The following ELMO1 variants were observed in gnomAD, a reference collection of about 807,000 sequenced individuals.
ELMO1 encodes engulfment and cell motility 1, also known as engulfment and cell motility protein 1.
A neutral mutation model predicts 98.9 loss-of-function variants in ELMO1; 26 were observed. That is an observed-to-expected ratio of 0.26 (90% CI 0.19 to 0.36). The LOEUF (loss-of-function observed/expected upper bound fraction) is 0.36. Ranked by LOEUF, ELMO1 falls within the 10% of genes least tolerant of loss-of-function variation. The pLI is 1.00. For missense variants in ELMO1, 627 were observed against 935.2 expected (o/e 0.67, Z 4.30); for synonymous variants, 346 against 346.0 (o/e 1.00, Z 0.00).
At chr7:37,264,251 T>G (rs1023219072) in intron 5 of ELMO1, among the ~76,000 whole-genome samples, 4 of 152,100 alleles carry the variant, frequency 2.6e-5, no homozygotes, top group African/African-American at 9.7e-5. Context: ...CAAAACACAT[T>G]TCACTAAATG....
chr7:37,257,720 G>C (rs960353529), intron 6 of ELMO1, among the ~76,000 whole-genome samples: 2 of 150,840 alleles, frequency 1.3e-5, no homozygotes, highest in East Asian at 3.9e-4. Flanking sequence ...ACAAAAATCA[G>C]GCTGGACACG....
chr7:36,943,171 A>AGGT (rs1787194384), intron 16 of ELMO1, among the ~76,000 whole-genome samples: 1 of 152,216 alleles, frequency 6.6e-6, no homozygotes, highest in African/African-American at 2.4e-5. Context: ...CAGCGGGTCG[A>AGGT]GGTGGGTGAA....
At chr7:37,435,375 T>TACGA (rs1805101661) in intron 1 of ELMO1, among the ~76,000 whole-genome samples, 2 of 152,168 alleles carry the variant, frequency 1.3e-5, no homozygotes, top group African/African-American at 4.8e-5. Flanking sequence ...CTAGGGTGGT[T>TACGA]TCCACCCCCT....
At chr7:37,261,853 C>T (rs747990493) in intron 5 of ELMO1, among the ~76,000 whole-genome samples, 5 of 152,172 alleles carry the variant, frequency 3.3e-5, no homozygotes, top group African/African-American at 7.2e-5. Context: ...CAGCCTGCCT[C>T]GGCCTCCCAA....
chr7:37,210,295 T>A (rs992494049), intron 13 of ELMO1, among the ~76,000 whole-genome samples: 2 of 152,132 alleles, frequency 1.3e-5, no homozygotes, highest in African/African-American at 2.4e-5. Flanking sequence ...AAGCATTGAA[T>A]CATTTAGTAA....
At chr7:37,186,120 T>C (rs1791189513) in intron 13 of ELMO1, among the ~76,000 whole-genome samples, 1 of 152,150 alleles carries the variant, frequency 6.6e-6, no homozygotes, top group Admixed American at 6.5e-5. Context: ...AATAAACATA[T>C]AGCAATGGAA....
At chr7:37,161,905 A>AAT (rs6150082) in intron 13 of ELMO1, among the ~76,000 whole-genome samples, 7,550 of 42,342 alleles carry the variant, frequency 0.18, 1,342 homozygotes, top group African/African-American at 0.24. Flanking sequence ...CAGGTAATCA[A>AAT]ATATATATAT....
intron 1 of ELMO1, among the ~76,000 whole-genome samples, chr7:37,380,261 TATG>T (rs759972494): frequency 6.6e-6 from 1 of 152,218 alleles, no homozygotes; most frequent in African/African-American, 2.4e-5. Context: ...TGACAGACAA[TATG>T]ATAATTTGTA....
At chr7:37,071,868 A>T (rs1226672099) in intron 15 of ELMO1, among the ~76,000 whole-genome samples, 1 of 152,098 alleles carries the variant, frequency 6.6e-6, no homozygotes, top group African/African-American at 2.4e-5. Flanking sequence ...TTTCTTTGGA[A>T]TATTATCTAG....
At position 37,013,384 on chromosome 7, in the gene ELMO1, G is replaced by A. The variant is rs915387525; in HGVS notation, c.1352C>T (p.Ser451Phe). Residue 451 changes from serine to phenylalanine, a missense_variant, in exon 16 of 22, where the codon TCC (serine) becomes TTC (phenylalanine). By Grantham distance (155) the Ser-to-Phe change is radical. This residue lies in a region of ELMO1 where 492 missense variants were observed against 715.6 expected (regional missense o/e 0.69). Coordinates refer to ENST00000310758, the MANE Select transcript of ELMO1 (RefSeq NM_014800.11). ...ACAGATGCAGAAAAACTCCTCAAAGGATCTGTCGTGGGTGAAGAACATCGG... is the reference window on the plus strand; with the variant it reads ...ACAGATGCAGAAAAACTCCTCAAAGAATCTGTCGTGGGTGAAGAACATCGG... ...FHPMFFTHDRSFEEFFCICIQ... is the reference protein window; with the variant it reads ...FHPMFFTHDRFFEEFFCICIQ... 6.2e-7 allele frequency: 1 copy of A among 1,613,970 alleles called. No individual in the cohort carries two copies. The highest frequency in any genetic ancestry group is 8.5e-7 in the Non-Finnish European group (1 of 1,180,012).
At chr7:37,042,314 A>G (rs1444075707) in intron 15 of ELMO1, among the ~76,000 whole-genome samples, 1 of 152,156 alleles carries the variant, frequency 6.6e-6, no homozygotes, top group East Asian at 1.9e-4. Flanking sequence ...AGGAATATTC[A>G]GAGCCATGGT....
chr7:36,971,578 G>A (rs1215200809), intron 16 of ELMO1, among the ~76,000 whole-genome samples: 3 of 152,214 alleles, frequency 2.0e-5, no homozygotes, highest in African/African-American at 7.2e-5. Context: ...AGATCATCCA[G>A]ATTCCACTGA....
chr7:37,314,999 G>T, intron 3 of ELMO1, 77 bp from the exon 4 acceptor site: 1 of 1,289,628 alleles, frequency 7.8e-7, no homozygotes, highest in Non-Finnish European at 1.1e-6. Context: ...AGTGTTGGAT[G>T]AACTAAGCAC....
At chr7:37,348,580 G>C (rs1801117346) in intron 1 of ELMO1, among the ~76,000 whole-genome samples, 1 of 152,074 alleles carries the variant, frequency 6.6e-6, no homozygotes, top group Non-Finnish European at 1.5e-5. Flanking sequence ...TCTAGAGTTA[G>C]GTACTGAAGT....
chr7:37,193,317 T>A (rs901688396), intron 13 of ELMO1, among the ~76,000 whole-genome samples: 3 of 152,156 alleles, frequency 2.0e-5, no homozygotes, highest in East Asian at 3.8e-4. Flanking sequence ...AGTGATTGTA[T>A]CCAACCAAGG....
At chr7:37,229,507 A>C (rs2130598014) in intron 8 of ELMO1, among the ~76,000 whole-genome samples, 1 of 152,310 alleles carries the variant, frequency 6.6e-6, no homozygotes, top group African/African-American at 2.4e-5. Flanking sequence ...GGCAGGGAAA[A>C]AAAATATTTC....
At chr7:37,340,062 A>C (rs1041307008) in intron 2 of ELMO1, among the ~76,000 whole-genome samples, 1 of 152,220 alleles carries the variant, frequency 6.6e-6, no homozygotes. Context: ...GATCAAAGAG[A>C]CCTGACAATA....
chr7:37,391,763 C>T lies in ELMO1; in HGVS notation c.-73-49000G>A, dbSNP rs376201200. On this transcript the variant is annotated intron_variant, in intron 1 of 21. Transcript: ENST00000310758. ...TCAAGAGCTTCAAGATTTGGGCAAG[C>T]CCCCATGTAACACTCACCAGGGAAG... 3.9e-4 allele frequency among the ~76,000 whole-genome samples: 60 copies of T among 152,280 alleles called. No homozygotes were observed. In the South Asian group the frequency reaches 0.012, roughly 31 times the overall value.
At chr7:37,132,410 C>T (rs1215693075) in intron 14 of ELMO1, among the ~76,000 whole-genome samples, 1 of 152,232 alleles carries the variant, frequency 6.6e-6, no homozygotes, top group African/African-American at 2.4e-5. Context: ...GGATCTACCT[C>T]ATCCTGACTG....
Sources: gnomAD v4.1 joint callset for allele counts (sites outside exome capture counted in the v4.1 genomes callset) on GRCh38, gnomAD v4.1.1 for gene constraint, gnomAD v4.1.1 regional missense constraint, MANE v1.5 for transcripts, NCBI Gene and HGNC (gene_info 2026-07-23, HGNC 2026-07-21) for gene names.